Variants in RABGAP1 observed in about 807,000 individuals in gnomAD.
RABGAP1 encodes the protein rab GTPase-activating protein 1.
A neutral mutation model predicts 137.6 loss-of-function variants in RABGAP1; 23 were observed. That is an observed-to-expected ratio of 0.17 (90% confidence interval 0.12 to 0.24). The LOEUF (loss-of-function observed/expected upper bound fraction) is 0.24. Among genes scored for constraint, RABGAP1 ranks in the 10% least tolerant of loss-of-function variants. RABGAP1 has a pLI of 1.00. For missense variants in RABGAP1, 906 were observed against 1,275.8 expected (o/e 0.71, Z 4.42); for synonymous variants, 451 against 450.7 (o/e 1.00, Z -0.01).
intron 14 of RABGAP1, among the ~76,000 whole-genome samples, chr9:123,065,956 A>G (rs1027999906): frequency 3.9e-5 from 6 of 152,186 alleles, no homozygotes; most frequent in Admixed American, 1.3e-4. Context: ...AGCCTGTTCA[A>G]TTTCCGTATT....
chr9:122,976,979 G>T (rs144101537), intron 2 of RABGAP1, among the ~76,000 whole-genome samples: 67 of 152,244 alleles, frequency 4.4e-4, no homozygotes, highest in African/African-American at 1.5e-3. Context: ...GTTTATGGTG[G>T]GTCCTGGGAA....
At chr9:123,076,535 G>C in intron 18 of RABGAP1, 99 bp from the exon 19 acceptor site, 1 of 1,351,602 alleles carries the variant, frequency 7.4e-7, no homozygotes, top group South Asian at 1.5e-5. Flanking sequence ...TATCTTCTGG[G>C]GATTGTAAAA....
intron 1 of RABGAP1, among the ~76,000 whole-genome samples, chr9:122,942,685 A>G (rs1180178616): frequency 6.6e-6 from 1 of 151,190 alleles, no homozygotes; most frequent in South Asian, 2.1e-4. Context: ...AAAAAAAAAA[A>G]AAACACAAAA....
chr9:122,935,312 A>G, the RABGAP1 span, among the ~76,000 whole-genome samples: 1 of 152,166 alleles, frequency 6.6e-6, no homozygotes, highest in Admixed American at 6.5e-5. Flanking sequence ...GATGTCACAG[A>G]TAACATTTTA....
chr9:122,977,902 C>T (rs1835847763), intron 2 of RABGAP1, among the ~76,000 whole-genome samples: 1 of 152,068 alleles, frequency 6.6e-6, no homozygotes, highest in Admixed American at 6.5e-5. Flanking sequence ...AAGTTAATGC[C>T]AAAGACAGAA....
Position 123,101,726 on chromosome 9 carries a change from C to G in RABGAP1, c.3050C>G (p.Thr1017Ser). 6.2e-7 allele frequency: 1 copy of G among 1,612,240 alleles called. No homozygotes were observed. The highest frequency in any genetic ancestry group is 8.5e-7 in the Non-Finnish European group (1 of 1,179,282). ...GAAATGGAGCTAGAACTGGCACAGA[C>G]CAAACTCCAGCTGGTGGAGGCCGAG... Reference protein sequence around the residue: ...LREMELELAQTKLQLVEAECK... With the variant: ...LREMELELAQSKLQLVEAECK... Residue 1017 changes from threonine to serine, a missense_variant, in exon 25 of 26, where the codon ACC (threonine) becomes AGC (serine). Physicochemically the swap from Thr to Ser is moderately conservative, Grantham distance 58. Coordinates refer to ENST00000373647, the MANE Select transcript of RABGAP1 (RefSeq NM_012197.4).
chr9:122,997,143 T>C (rs1837065200), intron 8 of RABGAP1, 116 bp from the exon 9 acceptor site: 3 of 704,440 alleles, frequency 4.3e-6, no homozygotes, highest in South Asian at 1.9e-5. Flanking sequence ...CATACACTTA[T>C]CCTCTTCCAT....
At chr9:122,970,757 G>A (rs543413897) in intron 2 of RABGAP1, among the ~76,000 whole-genome samples, 18 of 152,260 alleles carry the variant, frequency 1.2e-4, no homozygotes, top group South Asian at 2.1e-4. Context: ...TTGTTGAAAG[G>A]TCATTTGACA....
At chr9:122,949,324 C>A (rs10760259) in intron 1 of RABGAP1, among the ~76,000 whole-genome samples, 94,630 of 151,954 alleles carry the variant, frequency 0.62, 36,686 homozygotes, top group Non-Finnish European at 0.86. Context: ...ACCAGCCTGG[C>A]CAACATGGCG....
intron 13 of RABGAP1, chr9:123,034,706 T>A (rs575159800): frequency 6.2e-7 from 1 of 1,613,572 alleles, no homozygotes; most frequent in East Asian, 2.2e-5. Flanking sequence ...TCTGGCAACA[T>A]CATTGTGATT....
chr9:122,987,409 T>A (rs574799417), intron 4 of RABGAP1, among the ~76,000 whole-genome samples: 1 of 152,186 alleles, frequency 6.6e-6, no homozygotes, highest in Non-Finnish European at 1.5e-5. Flanking sequence ...ACATCTTGGC[T>A]TATTAAGATC....
intron 10 of RABGAP1, among the ~76,000 whole-genome samples, chr9:123,009,663 T>C (rs559070327): frequency 6.6e-6 from 1 of 152,310 alleles, no homozygotes; most frequent in South Asian, 2.1e-4. Context: ...ATATTCCTGG[T>C]TTAAATTTTT....
At position 122,956,297 on chromosome 9, in the gene RABGAP1, C is replaced by A. The variant is rs377168254; in HGVS notation, c.-49-714C>A. Among the ~76,000 whole-genome samples, 31 of 152,190 alleles carry A rather than the reference C, an allele frequency of 2.0e-4. 1 individual carries two copies. The East Asian group carries it at 3.7e-3, about 18-fold the overall frequency. Reference sequence around the variant, plus strand: ...AATGTGAAATTTGGCCTGTTAAAACCATGTTAATATTTTAAATTTAAGTAT... The same window carrying A: ...AATGTGAAATTTGGCCTGTTAAAACAATGTTAATATTTTAAATTTAAGTAT... On this transcript the variant is annotated intron_variant, in intron 1 of 25. Transcript: ENST00000373647.
intron 2 of RABGAP1, among the ~76,000 whole-genome samples, chr9:122,958,945 G>T (rs903014214): frequency 6.6e-6 from 1 of 152,130 alleles, no homozygotes; most frequent in Non-Finnish European, 1.5e-5. Flanking sequence ...GGAGGTGGAG[G>T]CTGCAGTGAA....
intron 13 of RABGAP1, among the ~76,000 whole-genome samples, chr9:123,056,850 C>T (rs1480072375): frequency 6.6e-6 from 1 of 152,214 alleles, no homozygotes; most frequent in Non-Finnish European, 1.5e-5. Context: ...TAGTACAGAA[C>T]AAAATGAAAA....
chr9:122,974,283 C>T (rs1835639982), intron 2 of RABGAP1, among the ~76,000 whole-genome samples: 1 of 151,970 alleles, frequency 6.6e-6, no homozygotes, highest in African/African-American at 2.4e-5. Flanking sequence ...TTAAGAGTGC[C>T]CTGTACAAAC....
chr9:122,945,205 C>A (rs1391258585), intron 1 of RABGAP1: 2 of 135,418 alleles, frequency 1.5e-5, no homozygotes, highest in Non-Finnish European at 3.1e-5. Flanking sequence ...ACCCTCACCC[C>A]TCTGTTTTGT....
rs1170390286 is a variant in RABGAP1, at chr9:122,970,387, G to T, written c.150+13178G>T. 3.3e-5 allele frequency among the ~76,000 whole-genome samples: 5 copies of T among 152,252 alleles called. No individual in the cohort carries two copies. The East Asian group carries it at 9.6e-4, about 29-fold the overall frequency. On this transcript the variant is annotated intron_variant, in intron 2 of 25. Coordinates refer to ENST00000373647, the MANE Select transcript of RABGAP1 (RefSeq NM_012197.4). ...ACTTCAAGGCTGCAGTGCTCTATAAGCATGCCTGTGAATAGCCACTGCAGT... is the reference window on the plus strand; with the variant it reads ...ACTTCAAGGCTGCAGTGCTCTATAATCATGCCTGTGAATAGCCACTGCAGT...
Position 123,065,374 on chromosome 9 carries a change from C to A in RABGAP1, c.1821C>A (p.Thr607=). Residue 607 remains threonine, a synonymous_variant, in exon 14 of 26, where the codon ACC becomes ACA. Coordinates refer to ENST00000373647, the MANE Select transcript of RABGAP1 (RefSeq NM_012197.4). ...TKESPQDSAI[T]RDINRTFPAH... ...AGTCTCCCCAGGACAGTGCTATCACCCGGGATATTAACCGAACATTCCCAG... is the reference window on the plus strand; with the variant it reads ...AGTCTCCCCAGGACAGTGCTATCACACGGGATATTAACCGAACATTCCCAG... 1 of 1,612,816 alleles carries A rather than the reference C, an allele frequency of 6.2e-7. No homozygotes were observed.
Sources: gnomAD v4.1 joint callset for allele counts (sites outside exome capture counted in the v4.1 genomes callset) on GRCh38, gnomAD v4.1.1 for gene constraint, MANE v1.5 for transcripts, NCBI Gene and HGNC (gene_info 2026-07-23, HGNC 2026-07-21) for gene names.